KCTD1: variants seen among roughly 807,000 people sequenced by gnomAD.
The protein encoded by KCTD1 is potassium channel tetramerization domain containing 1, also known as BTB/POZ domain-containing protein KCTD1.
In KCTD1, 24 loss-of-function variants were observed where a neutral mutation model predicts 66.0. That is an observed-to-expected ratio of 0.36 (90% CI 0.26 to 0.51). KCTD1 has a LOEUF of 0.51. Among genes scored for constraint, KCTD1 ranks in the 20% least tolerant of loss-of-function variants. KCTD1 has a pLI of 0.95. For synonymous variants in KCTD1, 511 were observed against 517.2 expected, an observed-to-expected ratio of 0.99 and a Z score of 0.16; for missense variants, 943 against 1,205.2, an observed-to-expected ratio of 0.78 and a Z score of 3.22.
chr18:26,617,946 A>T (rs1987293628), intron 1 of KCTD1, among the ~76,000 whole-genome samples: 1 of 151,918 alleles, frequency 6.6e-6, no homozygotes, highest in South Asian at 2.1e-4. Context: ...AAAAAGGAAG[A>T]CAGAAAGTCC....
intron 1 of KCTD1, among the ~76,000 whole-genome samples, chr18:26,521,666 C>T (rs909999775): frequency 2.0e-5 from 3 of 152,200 alleles, no homozygotes; most frequent in South Asian, 2.1e-4. Flanking sequence ...TTCCTGTGGA[C>T]TCACAGTCCA....
chr18:26,545,549 G>A (rs949417459), intron 1 of KCTD1: 2 of 152,048 alleles, frequency 1.3e-5, no homozygotes, highest in South Asian at 2.1e-4. Flanking sequence ...AAAAAGCACA[G>A]AGGTACCTGA....
chr18:26,571,160 G>C (rs1013093149), intron 1 of KCTD1, among the ~76,000 whole-genome samples: 1 of 152,168 alleles, frequency 6.6e-6, no homozygotes, highest in Non-Finnish European at 1.5e-5. Flanking sequence ...TCACTAATTA[G>C]AGGGTGGAGA....
At chr18:26,556,741 C>T (rs1985716220) in intron 1 of KCTD1, among the ~76,000 whole-genome samples, 1 of 152,118 alleles carries the variant, frequency 6.6e-6, no homozygotes. Context: ...TGTAGAAACC[C>T]AGAGAGCTTC....
intron 1 of KCTD1, among the ~76,000 whole-genome samples, chr18:26,511,388 C>T (rs1163147387): frequency 6.6e-6 from 1 of 152,200 alleles, no homozygotes; most frequent in Non-Finnish European, 1.5e-5. Context: ...TGGTCATCTG[C>T]CCCCTCTTCC....
intron 1 of KCTD1, among the ~76,000 whole-genome samples, chr18:26,622,500 C>A (rs935965864): frequency 1.3e-5 from 2 of 152,170 alleles, no homozygotes; most frequent in African/African-American, 4.8e-5. Context: ...ACCCTGGAGT[C>A]CTTGCCAGCC....
At chr18:26,496,740 G>GCACACACA (rs111233653) in intron 2 of KCTD1, among the ~76,000 whole-genome samples, 2,452 of 148,164 alleles carry the variant, frequency 0.017, 18 homozygotes, top group African/African-American at 0.024. Flanking sequence ...AAAAGCATGT[G>GCACACACA]CACACACACA....
chr18:26,560,753 C>G (rs564835212), intron 1 of KCTD1, among the ~76,000 whole-genome samples: 2 of 152,346 alleles, frequency 1.3e-5, no homozygotes, highest in Admixed American at 6.5e-5. Flanking sequence ...CCATAGCTTT[C>G]AACATCTTAA....
At chr18:26,544,565 AAGCTGG>A (rs1985125028) in intron 1 of KCTD1, 1 of 152,228 alleles carries the variant, frequency 6.6e-6, no homozygotes, top group Non-Finnish European at 1.5e-5. Context: ...ATAATGACTG[AAGCTGG>A]AGCTGCACAG....
chr18:26,594,937 T>C (rs1403142832), intron 1 of KCTD1, among the ~76,000 whole-genome samples: 1 of 152,096 alleles, frequency 6.6e-6, no homozygotes, highest in African/African-American at 2.4e-5. Flanking sequence ...CTCATAATTA[T>C]GTGAGCCAAT....
At chr18:26,589,895 C>CT (rs1986557776) in intron 1 of KCTD1, among the ~76,000 whole-genome samples, 1 of 152,098 alleles carries the variant, frequency 6.6e-6, no homozygotes, top group South Asian at 2.1e-4. Context: ...AGCATCTTCT[C>CT]TGACTTCATG....
chr18:26,561,486 G>A (rs1219419242), intron 1 of KCTD1, among the ~76,000 whole-genome samples: 1 of 151,912 alleles, frequency 6.6e-6, no homozygotes. Context: ...ATATGTTCTG[G>A]GTCTCTCTGC....
intron 1 of KCTD1, among the ~76,000 whole-genome samples, chr18:26,542,266 T>C (rs1245839905): frequency 6.6e-6 from 1 of 152,218 alleles, no homozygotes; most frequent in Non-Finnish European, 1.5e-5. Context: ...CATATCCCCT[T>C]TTTTTGAACC....
At chr18:26,565,153 T>G (rs933516236) in intron 1 of KCTD1, among the ~76,000 whole-genome samples, 3 of 152,296 alleles carry the variant, frequency 2.0e-5, no homozygotes, top group Non-Finnish European at 1.5e-5. Context: ...GACTGCAGGA[T>G]GAGAGTGCTA....
At chr18:26,588,216 T>C (rs567960585) in intron 1 of KCTD1, among the ~76,000 whole-genome samples, 1 of 151,750 alleles carries the variant, frequency 6.6e-6, no homozygotes, top group East Asian at 2.0e-4. Flanking sequence ...ACCCATGAGC[T>C]CCAGGTTACC....
chr18:26,644,497 C>T (rs1987895010), upstream of KCTD1, among the ~76,000 whole-genome samples: 1 of 151,992 alleles, frequency 6.6e-6, no homozygotes. Context: ...CGGTGGCTCA[C>T]ACCTTCATCC....
intron 2 of KCTD1, 127 bp downstream of exon 2, chr18:26,500,945 G>T: frequency 1.0e-6 from 1 of 952,452 alleles, no homozygotes; most frequent in Non-Finnish European, 1.6e-6. Context: ...GCAGCAGGGT[G>T]GCTCACACAG....
chr18:26,619,202 C>A (rs1030306879), intron 1 of KCTD1, among the ~76,000 whole-genome samples: 1 of 152,194 alleles, frequency 6.6e-6, no homozygotes, highest in African/African-American at 2.4e-5. Context: ...TTCTTCTATA[C>A]AGGAGCTATA....
At chr18:26,471,348 T>C (rs1981051869) in intron 3 of KCTD1, among the ~76,000 whole-genome samples, 1 of 151,972 alleles carries the variant, frequency 6.6e-6, no homozygotes. Flanking sequence ...TTCCATGTAC[T>C]GAACCTCCAC....
Sources: gnomAD v4.1 joint callset for allele counts (sites outside exome capture counted in the v4.1 genomes callset) on GRCh38, gnomAD v4.1.1 for gene constraint, MANE v1.5 for transcripts, NCBI Gene and HGNC (gene_info 2026-07-23, HGNC 2026-07-21) for gene names.